The following ARID4A variants were observed in gnomAD, a reference collection of about 807,000 sequenced individuals.
ARID4A encodes the protein AT-rich interactive domain-containing protein 4A.
In ARID4A, 39 loss-of-function variants were observed where a neutral mutation model predicts 148.6. The ratio of observed to expected loss-of-function variants is 0.26; its 90% CI spans 0.20 to 0.34. The LOEUF is 0.34. Among genes scored for constraint, ARID4A ranks in the 10% least tolerant of loss-of-function variants. ARID4A has a pLI of 1.00. For synonymous variants in ARID4A, 475 were observed against 481.2 expected, an observed-to-expected ratio of 0.99 and a Z score of 0.17; for missense variants, 1,265 against 1,449.1, an observed-to-expected ratio of 0.87 and a Z score of 2.06.
At chr14:58,320,175 T>G (rs1170413246) in intron 7 of ARID4A, among the ~76,000 whole-genome samples, 2 of 151,934 alleles carry the variant, frequency 1.3e-5, no homozygotes. Flanking sequence ...CTCGATCTCT[T>G]GACCTCATGA....
chr14:58,329,850 T>G (rs2033422460), intron 10 of ARID4A, among the ~76,000 whole-genome samples, 153 bp from the exon 11 acceptor site: 1 of 152,224 alleles, frequency 6.6e-6, no homozygotes, highest in African/African-American at 2.4e-5. Context: ...TTATATAACA[T>G]TATAACTTAT....
intron 5 of ARID4A, among the ~76,000 whole-genome samples, chr14:58,313,445 G>A (rs571550320): frequency 3.9e-5 from 6 of 152,308 alleles, no homozygotes; most frequent in Admixed American, 3.9e-4. Context: ...TGCCACTGCT[G>A]ATCTGATAGG....
chr14:58,335,381 T>G (rs886272000), intron 11 of ARID4A, among the ~76,000 whole-genome samples: 2 of 151,260 alleles, frequency 1.3e-5, no homozygotes, highest in African/African-American at 4.9e-5. Flanking sequence ...TGGCGTGATC[T>G]CGGCTCACCA....
At chr14:58,360,725 C>A (rs1333304087) in intron 18 of ARID4A, among the ~76,000 whole-genome samples, 176 bp from the exon 19 acceptor site, 2 of 152,166 alleles carry the variant, frequency 1.3e-5, no homozygotes, top group Non-Finnish European at 1.5e-5. Flanking sequence ...TTAATAAGTT[C>A]TGATAACCTC....
intron 16 of ARID4A, 58 bp downstream of exon 16, chr14:58,351,381 G>A (rs577584810): frequency 6.5e-7 from 1 of 1,542,982 alleles, no homozygotes; most frequent in African/African-American, 1.4e-5. Context: ...ACAGCGCTTT[G>A]TTCCTGCTTA....
chr14:58,298,560 T>A lies in ARID4A; in HGVS notation c.-198T>A, dbSNP rs2030759072. ...CAACAGCTTGTTATTTGGTGGATTG[T>A]GGCAGTAAATCGGGGCGAGTGGGGA... is the stretch of plus-strand genomic sequence containing the variant. On this transcript the variant is annotated 5_prime_UTR_variant, in exon 1 of 24. Coordinates refer to ENST00000355431, the MANE Select transcript of ARID4A (RefSeq NM_002892.4). 1 of 152,810 alleles carries A rather than the reference T, an allele frequency of 6.5e-6. No homozygotes were observed. The highest frequency in any genetic ancestry group is 1.5e-5 in the Non-Finnish European group (1 of 68,262). 9.5% of individuals were successfully genotyped at this position (152,810 alleles called of 1,614,324 possible).
chr14:58,366,265 C>T, intron 22 of ARID4A, 35 bp downstream of exon 22: 11 of 1,455,818 alleles, frequency 7.6e-6, no homozygotes, highest in African/African-American at 7.0e-5. Flanking sequence ...TAGATGAATA[C>T]TGTAAAGTGG....
In ARID4A at chr14:58,320,206, A is replaced by G. The variant is rs549396413; in HGVS notation, c.449+1401A>G. On this transcript the variant is annotated intron_variant, in intron 7 of 23. Transcript: ENST00000355431. The stretch of plus-strand genomic sequence containing the variant: ...CATGATCCACCTGCCTCAGCCTCCC[A>G]AAGTGTTGGGATTACAGGCGTGAGC... Among the ~76,000 whole-genome samples, 29 of 151,998 alleles carry G rather than the reference A, an allele frequency of 1.9e-4. 1 individual carries two copies. The highest frequency in any genetic ancestry group is 3.8e-4 in the Non-Finnish European group (26 of 67,968).
At chr14:58,320,438 C>T (rs1284234692) in intron 7 of ARID4A, among the ~76,000 whole-genome samples, 2 of 152,050 alleles carry the variant, frequency 1.3e-5, no homozygotes, top group African/African-American at 4.8e-5. Flanking sequence ...GTTAATATTT[C>T]AAACTTTGTC....
chr14:58,359,300 GT>G, intron 18 of ARID4A, 84 bp downstream of exon 18: 1 of 1,336,430 alleles, frequency 7.5e-7, no homozygotes, highest in Non-Finnish European at 1.0e-6. Flanking sequence ...TTTAAGAACA[GT>G]TTTAGGTTTA....
chr14:58,301,837 G>A, intron 3 of ARID4A, 147 bp downstream of exon 3: 1 of 502,588 alleles, frequency 2.0e-6, no homozygotes, highest in East Asian at 3.3e-5. Context: ...CAAAAATAAA[G>A]AAATAAAAAA....
chr14:58,356,353 A>G (rs1464071269), intron 17 of ARID4A, among the ~76,000 whole-genome samples: 1 of 152,162 alleles, frequency 6.6e-6, no homozygotes, highest in Admixed American at 6.5e-5. Context: ...TGATTTTACT[A>G]TATGTCTATC....
chr14:58,364,741 A>G lies in ARID4A; in HGVS notation c.2652A>G (p.Glu884=), dbSNP rs368428533. The part of the protein sequence containing the change: ...GMEMTNTVSQ[E]RTSDCIGSEG... ...AAATGACAAATACTGTATCTCAAGA[A>G]AGGACCAGTGATTGTATTGGATCTG... Residue 884 remains glutamate, a synonymous_variant, in exon 20 of 24, where the codon GAA becomes GAG. Coordinates refer to ENST00000355431, the MANE Select transcript of ARID4A (RefSeq NM_002892.4). 6 of 1,613,880 alleles carry G rather than the reference A, an allele frequency of 3.7e-6. No homozygotes were observed. The African/African-American group carries it at 8.0e-5, about 22-fold the overall frequency.
At chr14:58,346,570 G>T (rs1486449176) in intron 13 of ARID4A, 65 bp downstream of exon 13, 2 of 1,031,638 alleles carry the variant, frequency 1.9e-6, no homozygotes, top group Non-Finnish European at 3.0e-6. Flanking sequence ...ATCTTATATT[G>T]CATTATTATA....
At position 58,304,986 on chromosome 14, in the gene ARID4A, G is replaced by A; in HGVS notation, c.160G>A (p.Asp54Asn). ...QDNTTQLVQDDQVKGPLRVGA... is the reference protein window; with the variant it reads ...QDNTTQLVQDNQVKGPLRVGA... ...TAATACCACACAATTGGTACAAGAT[G>A]ACCAAGTAAAGGGTCCTTTAAGAGT... is the stretch of plus-strand genomic sequence containing the variant. Residue 54 changes from aspartate to asparagine, a missense_variant, in exon 4 of 24, where the codon GAC becomes AAC. Coordinates refer to ENST00000355431, the MANE Select transcript of ARID4A (RefSeq NM_002892.4). The A allele has an allele frequency of 6.2e-7, 1 of 1,607,074 alleles. No individual in the cohort carries two copies. Among genetic ancestry groups the A allele is most frequent in the African/African-American group, 1.3e-5 (1 of 74,798 alleles).
intron 5 of ARID4A, among the ~76,000 whole-genome samples, chr14:58,312,315 C>G (rs772566941): frequency 6.0e-5 from 9 of 150,996 alleles, no homozygotes; most frequent in Non-Finnish European, 8.8e-5. Context: ...CTCCCAGGTT[C>G]AAATGATTCT....
intron 5 of ARID4A, among the ~76,000 whole-genome samples, chr14:58,317,874 CT>C (rs1217157047): frequency 1.3e-5 from 2 of 151,808 alleles, no homozygotes; most frequent in Admixed American, 1.3e-4. Flanking sequence ...TGGTTGATGC[CT>C]GTAATCCGAG....
At chr14:58,303,556 G>A (rs2031364447) in intron 3 of ARID4A, 1 of 470,838 alleles carries the variant, frequency 2.1e-6, no homozygotes, top group South Asian at 1.5e-5. Flanking sequence ...ACCATAAAAG[G>A]AGGAAACGTC....
At position 58,372,582 on chromosome 14, in the gene ARID4A, G is replaced by C. The variant is rs1289279981; in HGVS notation, c.*593G>C. 4.8e-6 allele frequency: 1 copy of C among 206,772 alleles called. No homozygotes were observed. Among genetic ancestry groups the C allele is most frequent in the Non-Finnish European group, 9.9e-6 (1 of 101,092 alleles). The allele number at this position is 206,772 out of a possible 1,614,324, so 12.8% of individuals were successfully genotyped here. The stretch of plus-strand genomic sequence containing the variant: ...GTGTAGTTGACTGAAAACTACAGTT[G>C]TAATAAGTCTTCCACTTTTTATAGG... On this transcript the variant is annotated 3_prime_UTR_variant, in exon 24 of 24. Transcript: ENST00000355431.
Sources: gnomAD v4.1 joint callset for allele counts (sites outside exome capture counted in the v4.1 genomes callset) on GRCh38, gnomAD v4.1.1 for gene constraint, MANE v1.5 for transcripts, NCBI Gene and HGNC (gene_info 2026-07-23, HGNC 2026-07-21) for gene names.